WRN: variants seen among roughly 807,000 people sequenced by gnomAD.
WRN encodes bifunctional 3'-5' exonuclease/ATP-dependent helicase WRN.
In WRN, 149 loss-of-function variants were observed where a neutral mutation model predicts 180.7. The ratio of observed to expected loss-of-function variants is 0.82; its 90% confidence interval spans 0.72 to 0.94. WRN has a LOEUF of 0.94. WRN is among the 40% of genes least tolerant of loss of function. The pLI is 0.00. For missense variants in WRN, 1,661 were observed against 1,700.1 expected, an observed-to-expected ratio of 0.98 and a Z score of 0.40; for synonymous variants, 548 against 568.9, an observed-to-expected ratio of 0.96 and a Z score of 0.52.
intron 24 of WRN, among the ~76,000 whole-genome samples, chr8:31,138,161 C>T (rs1009193585): frequency 2.0e-5 from 3 of 151,892 alleles, no homozygotes; most frequent in Admixed American, 6.6e-5. Context: ...AGCTTTAGTA[C>T]GGCTACACAG....
chr8:31,134,842 A>C (rs1242493115), intron 24 of WRN, among the ~76,000 whole-genome samples: 1 of 152,190 alleles, frequency 6.6e-6, no homozygotes, highest in African/African-American at 2.4e-5. Context: ...TTTCTAGACA[A>C]ACTGTTTCAT....
intron 34 of WRN, among the ~76,000 whole-genome samples, chr8:31,170,332 A>T (rs1265310278): frequency 6.6e-6 from 1 of 151,776 alleles, no homozygotes; most frequent in Non-Finnish European, 1.5e-5. Context: ...ATTTTTCTTG[A>T]CTGTATAAGA....
At chr8:31,125,029 T>G in intron 23 of WRN, 29 bp downstream of exon 23, 1 of 1,584,492 alleles carries the variant, frequency 6.3e-7, no homozygotes, top group Non-Finnish European at 8.7e-7. Context: ...AGATGGACAT[T>G]CTAAAAGTCT....
chr8:31,165,666 T>C (rs1803827871), intron 33 of WRN, among the ~76,000 whole-genome samples: 1 of 152,142 alleles, frequency 6.6e-6, no homozygotes. Context: ...AAATACTTGA[T>C]CTGTGTTTAG....
In WRN at chr8:31,080,811, G is replaced by C. The variant is rs920386048; in HGVS notation, c.840-56G>C. ...TACTTGTTAAAAAGCTTCACAGTTT[G>C]TCCTTGTAGTTAATGCAATTGAAGT... On this transcript the variant is annotated intron_variant, in intron 8 of 34. Coordinates refer to ENST00000298139, the MANE Select transcript of WRN (RefSeq NM_000553.6). The C allele has an allele frequency of 1.6e-5, 23 of 1,408,608 alleles. No homozygotes were observed. The African/African-American group carries it at 2.9e-4, about 18-fold the overall frequency. 87.3% of individuals were successfully genotyped at this position (1,408,608 alleles called of 1,614,324 possible). A position where few individuals can be genotyped will look rare whatever the true frequency, so the allele number is the denominator to read the frequency against.
chr8:31,082,468 G>A (rs1813354780), intron 9 of WRN, among the ~76,000 whole-genome samples: 1 of 152,064 alleles, frequency 6.6e-6, no homozygotes, highest in Non-Finnish European at 1.5e-5. Context: ...ATTCATAAAA[G>A]ATGTTCCCCT....
intron 17 of WRN, among the ~76,000 whole-genome samples, chr8:31,099,383 A>AAAGG (rs564093090): frequency 0.047 from 6,919 of 147,272 alleles, 193 homozygotes; most frequent in Non-Finnish European, 0.058. Flanking sequence ...TAGCCTAAGA[A>AAAGG]AAGGAAGGAA....
At chr8:31,133,995 C>T (rs1802289008) in intron 24 of WRN, among the ~76,000 whole-genome samples, 1 of 152,164 alleles carries the variant, frequency 6.6e-6, no homozygotes, top group African/African-American at 2.4e-5. Context: ...AATCAGACCA[C>T]TTACACTGAC....
intron 7 of WRN, among the ~76,000 whole-genome samples, chr8:31,072,476 C>T (rs928347600): frequency 3.9e-5 from 6 of 152,140 alleles, no homozygotes; most frequent in South Asian, 2.1e-4. Flanking sequence ...GTCATATTAA[C>T]GTGAATAGAG....
intron 1 of WRN, among the ~76,000 whole-genome samples, chr8:31,043,540 C>T (rs895568465): frequency 4.6e-5 from 7 of 152,114 alleles, no homozygotes; most frequent in Non-Finnish European, 1.0e-4. Context: ...GGATCATTAT[C>T]GTCTTCTTTC....
chr8:31,152,089 G>T (rs1200995411), intron 31 of WRN, among the ~76,000 whole-genome samples: 1 of 152,030 alleles, frequency 6.6e-6, no homozygotes, highest in Non-Finnish European at 1.5e-5. Flanking sequence ...ATCCATAAAT[G>T]TACAATTAAA....
intron 18 of WRN, among the ~76,000 whole-genome samples, chr8:31,105,742 G>T (rs1356855265): frequency 6.6e-6 from 1 of 152,152 alleles, no homozygotes; most frequent in Non-Finnish European, 1.5e-5. Flanking sequence ...TTACAGATGT[G>T]AGCCACCACG....
intron 34 of WRN, among the ~76,000 whole-genome samples, chr8:31,172,470 CTTTTATT>C: frequency 6.6e-6 from 1 of 152,226 alleles, no homozygotes. Context: ...AGACAAGAAA[CTTTTATT>C]TTTTTCATTT....
At chr8:31,111,476 T>C in intron 18 of WRN, 139 bp from the exon 19 acceptor site, 1 of 976,392 alleles carries the variant, frequency 1.0e-6, no homozygotes, top group Non-Finnish European at 1.5e-6. Context: ...ATTTTTTCTT[T>C]GCAAAAAAAT....
intron 28 of WRN, among the ~76,000 whole-genome samples, chr8:31,145,275 ACT>A (rs1802814518): frequency 6.6e-6 from 1 of 152,080 alleles, no homozygotes; most frequent in African/African-American, 2.4e-5. Context: ...GGACAAGCTG[ACT>A]CTCTTGTTAG....
intron 20 of WRN, among the ~76,000 whole-genome samples, chr8:31,117,908 T>G (rs1345642163): frequency 6.6e-6 from 1 of 152,206 alleles, no homozygotes; most frequent in Non-Finnish European, 1.5e-5. Flanking sequence ...GTTTATATTT[T>G]TGTTCTGTTA....
At chr8:31,121,173 C>T (rs1018104203) in intron 21 of WRN, among the ~76,000 whole-genome samples, 4 of 151,904 alleles carry the variant, frequency 2.6e-5, no homozygotes, top group African/African-American at 9.7e-5. Context: ...GAAAAAGAAT[C>T]TCAGGAGAAA....
intron 21 of WRN, among the ~76,000 whole-genome samples, chr8:31,123,122 C>T (rs1175390066): frequency 6.6e-6 from 1 of 151,772 alleles, no homozygotes; most frequent in Non-Finnish European, 1.5e-5. Context: ...AATTTTGTGC[C>T]ATCCCACTCA....
At chr8:31,052,617 C>T (rs1380271304) in intron 1 of WRN, among the ~76,000 whole-genome samples, 1 of 152,138 alleles carries the variant, frequency 6.6e-6, no homozygotes, top group Non-Finnish European at 1.5e-5. Context: ...GAACCCCTGG[C>T]CTCAAATCAT....
Sources: allele counts gnomAD v4.1 joint callset (sites outside exome capture counted in the v4.1 genomes callset), GRCh38; gene constraint gnomAD v4.1.1; transcripts MANE v1.5; gene names NCBI Gene and HGNC (gene_info 2026-07-23, HGNC 2026-07-21).